Variants in ILDR2 observed in about 807,000 individuals in gnomAD.
The protein encoded by ILDR2 is immunoglobulin like domain containing receptor 2.
A neutral mutation model predicts 66.8 loss-of-function variants in ILDR2; 25 were observed. The observed-to-expected ratio is 0.37, with a 90% CI of 0.27 to 0.52. The LOEUF (loss-of-function observed/expected upper bound fraction) is 0.52. Among genes scored for constraint, ILDR2 ranks in the 20% least tolerant of loss-of-function variants. ILDR2 has a pLI of 0.88. For missense variants in ILDR2, 827 were observed against 876.8 expected, an observed-to-expected ratio of 0.94 and a Z score of 0.72; for synonymous variants, 367 against 357.2, an observed-to-expected ratio of 1.03 and a Z score of -0.31.
downstream of ILDR2, among the ~76,000 whole-genome samples, chr1:166,907,879 C>A (rs1437722448): frequency 3.9e-5 from 6 of 152,264 alleles, no homozygotes. Flanking sequence ...TTAGAGAAGG[C>A]CGCTTTGGTC....
rs1250041111 is a variant in ILDR2, at chr1:166,914,855, C to T, written c.*4500G>A. ...TCAATTTCAGACTTCCATTAAGATG[C>T]TGGCAGCATTTAAATCTGATTTTGG... is the stretch of plus-strand genomic sequence containing the variant. On this transcript the variant is annotated 3_prime_UTR_variant, in exon 10 of 10. Transcript: ENST00000271417. The T allele has an allele frequency of 1.3e-5, 2 of 152,188 alleles. No individual in the cohort carries two copies. The highest frequency in any genetic ancestry group is 2.4e-5 in the African/African-American group (1 of 41,442). 9.4% of individuals were successfully genotyped at this position (152,188 alleles called of 1,614,324 possible).
chr1:166,958,218 C>T, intron 1 of ILDR2, 117 bp from the exon 2 acceptor site: 2 of 793,320 alleles, frequency 2.5e-6, no homozygotes, highest in Non-Finnish European at 4.1e-6. Flanking sequence ...ACCTCATTTT[C>T]ACAATTATAA....
intron 3 of ILDR2, among the ~76,000 whole-genome samples, chr1:166,947,030 CA>C (rs770960992): frequency 6.6e-6 from 1 of 152,124 alleles, no homozygotes; most frequent in Non-Finnish European, 1.5e-5. Flanking sequence ...TAATAAACAA[CA>C]AAAATGATTG....
At chr1:166,954,451 C>G (rs1326610780) in intron 3 of ILDR2, among the ~76,000 whole-genome samples, 1 of 152,084 alleles carries the variant, frequency 6.6e-6, no homozygotes, top group Non-Finnish European at 1.5e-5. Flanking sequence ...TCTAACTAAC[C>G]CCTTTAAATA....
Position 166,909,770 on chromosome 1 carries a change from A to ATAT in ILDR2, c.*9584_*9585insATA, listed in dbSNP as rs1659430024. 2.6e-4 allele frequency: 17 copies of ATAT among 66,206 alleles called. No individual in the cohort carries two copies. Among genetic ancestry groups the ATAT allele is most frequent in the African/African-American group, 4.4e-4 (6 of 13,546 alleles). The allele number at this position is 66,206 out of a possible 1,614,324, so 4.1% of individuals were successfully genotyped here. ...ATATATATATATATAAATATATATA[A>ATAT]ATATATATATTTATATATATATATA... On this transcript the variant is annotated 3_prime_UTR_variant, in exon 10 of 10. Coordinates refer to ENST00000271417, the MANE Select transcript of ILDR2 (RefSeq NM_199351.3).
At chr1:166,974,323 G>A (rs1454940108) in intron 1 of ILDR2, among the ~76,000 whole-genome samples, 1 of 152,164 alleles carries the variant, frequency 6.6e-6, no homozygotes, top group Admixed American at 6.5e-5. Context: ...GGGCTGCTTT[G>A]TGAATCTCTC....
intron 1 of ILDR2, among the ~76,000 whole-genome samples, chr1:166,964,891 AT>A (rs1662838193): frequency 6.6e-6 from 1 of 152,100 alleles, no homozygotes; most frequent in African/African-American, 2.4e-5. Flanking sequence ...TAGCACTTTC[AT>A]TTTTTTCAAA....
At chr1:166,896,053 G>A (rs2101809769) in exon 3 of ILDR2, 1 of 152,264 alleles carries the variant, frequency 6.6e-6, no homozygotes, top group South Asian at 2.1e-4. Flanking sequence ...CCTGCTTCAG[G>A]GCAGACAAGT....
chr1:166,921,085 G>C lies in ILDR2; in HGVS notation c.1506C>G (p.Arg502=). Residue 502 remains arginine (R), a synonymous_variant, in exon 9 of 10, where the codon CGC becomes CGG. Transcript: ENST00000271417. This position sits in a 1 kb window ranked among gnomAD's most constrained non-coding sequence, Gnocchi z 5.3. ...DRGWAFSPAR[R]RPAEDAHLPR... is the part of the protein sequence containing the mutation. ...GCAGGTGCGCGTCCTCGGCGGGTCT[G>C]CGGCGCGCGGGGCTGAAGGCCCAGC... 6.7e-7 allele frequency: 1 copy of C among 1,492,426 alleles called. No individual in the cohort carries two copies. Among genetic ancestry groups the C allele is most frequent in the Non-Finnish European group, 8.8e-7 (1 of 1,130,364 alleles). 92.4% of individuals were successfully genotyped at this position (1,492,426 alleles called of 1,614,324 possible).
intron 3 of ILDR2, among the ~76,000 whole-genome samples, chr1:166,946,339 TTTTC>T (rs1229234816): frequency 2.0e-5 from 3 of 152,222 alleles, no homozygotes; most frequent in Non-Finnish European, 2.9e-5. Flanking sequence ...TATGTTTACT[TTTTC>T]TTTCTGTGTC....
intron 6 of ILDR2, among the ~76,000 whole-genome samples, chr1:166,931,331 C>T (rs985927166): frequency 7.2e-5 from 11 of 152,156 alleles, no homozygotes; most frequent in African/African-American, 2.7e-4. Flanking sequence ...TCTTAATAAG[C>T]TAAGTAAAGC....
At chr1:166,940,985 T>C (rs1266324763) in intron 3 of ILDR2, among the ~76,000 whole-genome samples, 1 of 152,162 alleles carries the variant, frequency 6.6e-6, no homozygotes. Flanking sequence ...TCCAGGACAC[T>C]AGGGGAGTAT....
intron 1 of ILDR2, among the ~76,000 whole-genome samples, chr1:166,962,756 C>A (rs1328727125): frequency 6.6e-6 from 1 of 152,122 alleles, no homozygotes. Flanking sequence ...ATGCCAAAAA[C>A]CAGGTACCAA....
In ILDR2 at chr1:166,975,269, C is replaced by T. The variant is rs1384976136; in HGVS notation, c.-1G>A. On this transcript the variant is annotated 5_prime_UTR_variant, in exon 1 of 10. Transcript: ENST00000271417. ...TCCACCTCAGCAAGACCCTATCCATCTTCCCCAACTTCCCAGCCGAATTAC... is the reference window on the plus strand; with the variant it reads ...TCCACCTCAGCAAGACCCTATCCATTTTCCCCAACTTCCCAGCCGAATTAC... The T allele has an allele frequency of 1.2e-6, 2 of 1,613,142 alleles. No individual in the cohort carries two copies. Among genetic ancestry groups the T allele is most frequent in the African/African-American group, 2.7e-5 (2 of 74,924 alleles).
Position 166,939,594 on chromosome 1 carries a change from A to T in ILDR2, c.500-24T>A, listed in dbSNP as rs774776154. On this transcript the variant is annotated intron_variant, in intron 3 of 9. Transcript: ENST00000271417. ...GCCTAGAAGAAGTGGAAGGAAAAGAAGAAGGAAAGTGGTTATTCCAAGGGA... is the reference window on the plus strand; with the variant it reads ...GCCTAGAAGAAGTGGAAGGAAAAGATGAAGGAAAGTGGTTATTCCAAGGGA... 55 of 1,610,772 alleles carry T rather than the reference A, an allele frequency of 3.4e-5. 2 individuals carry two copies. The South Asian group carries it at 5.9e-4, about 17-fold the overall frequency.
At chr1:166,947,360 G>C (rs1428220184) in intron 3 of ILDR2, among the ~76,000 whole-genome samples, 9 of 152,166 alleles carry the variant, frequency 5.9e-5, no homozygotes, top group Admixed American at 5.9e-4. Flanking sequence ...AGACACAGAG[G>C]GGCACACACT....
rs1248252519 is a variant in ILDR2, at chr1:166,920,829, C to A, written c.1762G>T (p.Asp588Tyr). Reference protein sequence around the residue: ...SSQDDQEDASDDALPPYSELE... With the variant: ...SSQDDQEDASYDALPPYSELE... ...TCGCTGTAGGGCGGCAGCGCGTCGTCGGACGCGTCCTCCTGGTCGTCCTGC... is the reference window on the plus strand; with the variant it reads ...TCGCTGTAGGGCGGCAGCGCGTCGTAGGACGCGTCCTCCTGGTCGTCCTGC... Residue 588 changes from aspartate to tyrosine, a missense_variant, in exon 9 of 10, where the codon GAC becomes TAC. Asp to Tyr is a radical substitution (Grantham distance 160, BLOSUM62 -3). Around this residue, in one of 2 missense-constraint regions of ILDR2, gnomAD observed 390 missense variants for 353.6 expected, o/e 1.10. Coordinates refer to ENST00000271417, the MANE Select transcript of ILDR2 (RefSeq NM_199351.3). 5 of 1,518,714 alleles carry A rather than the reference C, an allele frequency of 3.3e-6. No individual in the cohort carries two copies. In the Admixed American group the frequency reaches 6.1e-5, roughly 19 times the overall value. 94.1% of individuals were successfully genotyped at this position (1,518,714 alleles called of 1,614,324 possible). A position where few individuals can be genotyped will look rare whatever the true frequency, so the allele number is the denominator to read the frequency against.
chr1:166,961,712 G>A (rs1212850099), intron 1 of ILDR2, among the ~76,000 whole-genome samples: 1 of 152,222 alleles, frequency 6.6e-6, no homozygotes, highest in Non-Finnish European at 1.5e-5. Context: ...AGTTGCTAAT[G>A]TTGCTGAGGC....
chr1:166,947,211 G>C (rs955170175), intron 3 of ILDR2, among the ~76,000 whole-genome samples: 5 of 152,202 alleles, frequency 3.3e-5, no homozygotes, highest in African/African-American at 1.2e-4. Flanking sequence ...GGGATGTCAT[G>C]GAACGGGGAA....
Sources: gnomAD v4.1 joint callset for allele counts (sites outside exome capture counted in the v4.1 genomes callset) on GRCh38, gnomAD v4.1.1 for gene constraint, gnomAD v4.1.1 regional missense constraint, Gnocchi (gnomAD v3.1) non-coding constraint, MANE v1.5 for transcripts, NCBI Gene and HGNC (gene_info 2026-07-23, HGNC 2026-07-21) for gene names.